The following GREB1L variants were observed in gnomAD, a reference collection of about 807,000 sequenced individuals.
The protein encoded by GREB1L is GREB1 like retinoic acid receptor coactivator, also known as GREB1-like protein.
GREB1L carries 17 observed loss-of-function variants against 200.8 expected under a neutral mutation model. The observed-to-expected ratio is 0.08, with a 90% confidence interval of 0.06 to 0.13. The LOEUF (loss-of-function observed/expected upper bound fraction) is 0.13. Among genes scored for constraint, GREB1L ranks in the 10% least tolerant of loss-of-function variants. GREB1L has a pLI of 1.00. For missense variants in GREB1L, 1,657 were observed against 2,367.7 expected, an observed-to-expected ratio of 0.70 and a Z score of 6.23; for synonymous variants, 789 against 893.0, an observed-to-expected ratio of 0.88 and a Z score of 2.08.
At chr18:21,415,470 C>T (rs566401589) in intron 7 of GREB1L, among the ~76,000 whole-genome samples, 15 of 152,032 alleles carry the variant, frequency 9.9e-5, no homozygotes, top group African/African-American at 3.4e-4. Context: ...CCACTGTGCT[C>T]CAGCCTGGGC....
Position 21,515,656 on chromosome 18 carries a change from C to T in GREB1L, c.5129+12C>T. 1 of 1,521,654 alleles carries T rather than the reference C, an allele frequency of 6.6e-7. No homozygotes were observed. Among genetic ancestry groups the T allele is most frequent in the Non-Finnish European group, 8.9e-7 (1 of 1,120,066 alleles). 94.3% of individuals were successfully genotyped at this position (1,521,654 alleles called of 1,614,324 possible). On this transcript the variant is annotated intron_variant, in intron 29 of 32. Coordinates refer to ENST00000424526, the MANE Select transcript of GREB1L (RefSeq NM_001142966.3). ...TATGACTTCAACAGGTAAGTCAGGC[C>T]TCATGGATGCAGGTAATCCTGGCAT...
intron 4 of GREB1L, among the ~76,000 whole-genome samples, chr18:21,392,375 A>G (rs1406881035): frequency 1.3e-5 from 2 of 152,058 alleles, no homozygotes; most frequent in Admixed American, 6.5e-5. Flanking sequence ...AATGGGTTCC[A>G]TGTATCCATA....
Position 21,509,494 on chromosome 18 carries a change from T to C in GREB1L, c.4735+903T>C, listed in dbSNP as rs145936350. Among the ~76,000 whole-genome samples the C allele has an allele frequency of 7.4e-3, 1,134 of 152,322 alleles. 8 individuals carry two copies. Among genetic ancestry groups the C allele is most frequent in the South Asian group, 0.012 (60 of 4,826 alleles). On this transcript the variant is annotated intron_variant, in intron 27 of 32. Coordinates refer to ENST00000424526, the MANE Select transcript of GREB1L (RefSeq NM_001142966.3). ...ACTGTCTCCCAACCTAGCCTCTGCC[T>C]CTCCCTTCCTTCTTAGGTCTCTCCC...
chr18:21,465,634 CAAAAT>C (rs1336381592), intron 15 of GREB1L, among the ~76,000 whole-genome samples: 3 of 152,036 alleles, frequency 2.0e-5, no homozygotes, highest in African/African-American at 2.4e-5. Flanking sequence ...CTGCAGTAGT[CAAAAT>C]AGAATGTGAA....
Position 21,520,671 on chromosome 18 carries a change from T to G in GREB1L, c.5473-17T>G, listed in dbSNP as rs1268906166. On this transcript the variant is annotated splice_polypyrimidine_tract_variant and intron_variant, in intron 31 of 32. Coordinates refer to ENST00000424526, the MANE Select transcript of GREB1L (RefSeq NM_001142966.3). The stretch of plus-strand genomic sequence containing the variant: ...TGCTCTTGAAATGCCCATGCTATTT[T>G]TGCTTGATGATTTCAGGTGGCCATA... 2 of 1,551,596 alleles carry G rather than the reference T, an allele frequency of 1.3e-6. No homozygotes were observed. Among genetic ancestry groups the G allele is most frequent in the South Asian group, 1.2e-5 (1 of 84,060 alleles).
intron 1 of GREB1L, among the ~76,000 whole-genome samples, chr18:21,359,213 T>C (rs2039548410): frequency 6.6e-6 from 1 of 152,228 alleles, no homozygotes; most frequent in African/African-American, 2.4e-5. Context: ...CCCAGCACTT[T>C]GGGAGGCCAA....
chr18:21,259,931 T>C (rs1341885483), intron 1 of GREB1L, among the ~76,000 whole-genome samples: 1 of 151,900 alleles, frequency 6.6e-6, no homozygotes, highest in Non-Finnish European at 1.5e-5. Flanking sequence ...TTTTGTCTTA[T>C]TGAGCAGAAA....
chr18:21,475,970 CAAAAAAAAAAAAAAAAA>C (rs71178177), intron 16 of GREB1L, among the ~76,000 whole-genome samples: 1 of 58,366 alleles, frequency 1.7e-5, no homozygotes, highest in South Asian at 1.0e-3. Flanking sequence ...GACTCCGTCT[CAAAAAAAAAAAAAAAAA>C]AAAAAAAAAA....
chr18:21,266,171 G>A (rs542786651), intron 1 of GREB1L, among the ~76,000 whole-genome samples: 217 of 152,238 alleles, frequency 1.4e-3, no homozygotes, highest in Non-Finnish European at 1.7e-3. Flanking sequence ...TTCAGCTGCT[G>A]GTGTCCGGAA....
At chr18:21,410,626 G>A (rs1407839177) in intron 7 of GREB1L, among the ~76,000 whole-genome samples, 1 of 151,056 alleles carries the variant, frequency 6.6e-6, no homozygotes, top group African/African-American at 2.4e-5. Context: ...CTGCACTCCA[G>A]CCTGGGAGAC....
chr18:21,257,777 C>T (rs1001897986), intron 1 of GREB1L, among the ~76,000 whole-genome samples: 8 of 152,192 alleles, frequency 5.3e-5, no homozygotes, highest in Non-Finnish European at 1.2e-4. Flanking sequence ...TAGTCTTCTG[C>T]TGTTTATTGA....
chr18:21,269,530 C>T (rs989698775), intron 1 of GREB1L, among the ~76,000 whole-genome samples: 2 of 152,042 alleles, frequency 1.3e-5, no homozygotes, highest in Non-Finnish European at 2.9e-5. Flanking sequence ...CAACTTAATG[C>T]CTTAGGCAAC....
At chr18:21,377,769 G>A (rs999484308) in intron 2 of GREB1L, among the ~76,000 whole-genome samples, 1 of 152,080 alleles carries the variant, frequency 6.6e-6, no homozygotes, top group African/African-American at 2.4e-5. Flanking sequence ...CATTAGCCAG[G>A]TGTGGTGGGG....
rs1000068603 is a variant in GREB1L, at chr18:21,488,010, C to CA, written c.2691-1990dup. On this transcript the variant is annotated intron_variant, in intron 18 of 32. Coordinates refer to ENST00000424526, the MANE Select transcript of GREB1L (RefSeq NM_001142966.3). ...CGAGCGACAGAGTGAGACTCCATCT[C>CA]AAAAAAAAAAAAGACCGGGTGCAGT... Among the ~76,000 whole-genome samples, 611 of 122,962 alleles carry CA rather than the reference C, an allele frequency of 5.0e-3. 5 individuals are homozygous for CA. Among genetic ancestry groups the CA allele is most frequent in the African/African-American group, 0.015 (495 of 33,292 alleles). The allele number at this position is 122,962 out of a possible 152,430, so 80.7% of individuals were successfully genotyped here. A position where few individuals can be genotyped will look rare whatever the true frequency, so the allele number is the denominator to read the frequency against.
rs374333418 is a variant in GREB1L at position 21,412,984 on chromosome 18, T to C, written c.832+8990T>C. On this transcript the variant is annotated intron_variant, in intron 7 of 32. Transcript: ENST00000424526. ...AGTTTTTCTGTTTCGCATGTGGTGA[T>C]TGTACAGTGGGATTGTTGCTGTCAT... Among the ~76,000 whole-genome samples, 28 of 152,296 alleles carry C rather than the reference T, an allele frequency of 1.8e-4. 1 individual carries two copies. Among genetic ancestry groups the C allele is most frequent in the African/African-American group, 6.7e-4 (28 of 41,542 alleles).
In GREB1L at chr18:21,518,010, T is replaced by C; in HGVS notation, c.5272-24T>C. ...AATCCAGTGACAGACAAGTTTCCCA[T>C]GATCATCTCGCCTCTGATTTCAGGT... On this transcript the variant is annotated intron_variant, in intron 30 of 32. Coordinates refer to ENST00000424526, the MANE Select transcript of GREB1L (RefSeq NM_001142966.3). 1.3e-6 allele frequency: 2 copies of C among 1,537,394 alleles called. 1 individual carries two copies.
intron 1 of GREB1L, among the ~76,000 whole-genome samples, chr18:21,245,220 G>GTTAA (rs2037576347): frequency 6.6e-6 from 1 of 152,162 alleles, no homozygotes; most frequent in Admixed American, 6.5e-5. Flanking sequence ...AAGTGTTGAT[G>GTTAA]TTAAGATAGA....
chr18:21,417,429 G>A (rs758859019), intron 7 of GREB1L, among the ~76,000 whole-genome samples: 6 of 152,120 alleles, frequency 3.9e-5, no homozygotes, highest in South Asian at 4.2e-4. Flanking sequence ...CACGAGAATC[G>A]CTTTAACCCG....
intron 23 of GREB1L, among the ~76,000 whole-genome samples, chr18:21,504,700 G>A (rs914477824): frequency 6.6e-5 from 10 of 152,136 alleles, no homozygotes; most frequent in Non-Finnish European, 1.2e-4. Context: ...ATGGTGGCAC[G>A]TGCCTGTAGT....
Sources: gnomAD v4.1 joint callset for allele counts (sites outside exome capture counted in the v4.1 genomes callset) on GRCh38, gnomAD v4.1.1 for gene constraint, MANE v1.5 for transcripts, NCBI Gene and HGNC (gene_info 2026-07-23, HGNC 2026-07-21) for gene names.